Variants in GABRG3 observed in about 807,000 individuals in gnomAD.
GABRG3 encodes gamma-aminobutyric acid type A receptor subunit gamma3.
GABRG3 carries 25 observed loss-of-function variants against 48.8 expected under a neutral mutation model. The observed-to-expected ratio is 0.51, with a 90% CI of 0.37 to 0.72. The LOEUF (loss-of-function observed/expected upper bound fraction) is 0.72. GABRG3 is among the 30% of genes least tolerant of loss of function. GABRG3 has a pLI of 0.00. For synonymous variants in GABRG3, 227 were observed against 217.6 expected, an observed-to-expected ratio of 1.04 and a Z score of -0.38; for missense variants, 394 against 577.9, an observed-to-expected ratio of 0.68 and a Z score of 3.26.
In GABRG3 at chr15:27,307,400, T is replaced by C. The variant is rs1339414441; in HGVS notation, c.271-19409T>C. On this transcript the variant is annotated intron_variant, in intron 3 of 9. Transcript: ENST00000615808. ...ATATATTTATATATAACCATATAGG[T>C]TTATATATTTATATATAAACATATA... Among the ~76,000 whole-genome samples the C allele has an allele frequency of 9.3e-5, 10 of 107,856 alleles. 4 individuals carry two copies. The highest frequency in any genetic ancestry group is 3.1e-4 in the African/African-American group (10 of 31,810). 70.8% of individuals were successfully genotyped at this position (107,856 alleles called of 152,430 possible). A position where few individuals can be genotyped will look rare whatever the true frequency, so the allele number is the denominator to read the frequency against.
At chr15:27,482,551 C>G (rs1200979160) in intron 6 of GABRG3, among the ~76,000 whole-genome samples, 1 of 152,126 alleles carries the variant, frequency 6.6e-6, no homozygotes, top group African/African-American at 2.4e-5. Context: ...AGATAAATGC[C>G]CTTTTATAGG....
chr15:27,019,891 A>C (rs1310800088), intron 2 of GABRG3, among the ~76,000 whole-genome samples: 1 of 152,194 alleles, frequency 6.6e-6, no homozygotes, highest in Non-Finnish European at 1.5e-5. Flanking sequence ...TACTCTTTTC[A>C]TGAAAACATA....
Position 27,254,249 on chromosome 15 carries a change from C to T in GABRG3, c.271-72560C>T, listed in dbSNP as rs558836853. ...GGGATGCAGGCTGGGGAGGAAAGAA[C>T]CAGGCTGCGAGGTTTCCAGAGGGAG... On this transcript the variant is annotated intron_variant, in intron 3 of 9. Coordinates refer to ENST00000615808, the MANE Select transcript of GABRG3 (RefSeq NM_033223.5). 3.3e-5 allele frequency among the ~76,000 whole-genome samples: 5 copies of T among 152,180 alleles called. No individual in the cohort carries two copies. In the South Asian group the frequency reaches 1.0e-3, roughly 32 times the overall value.
At chr15:27,488,169 A>G (rs1052129578) in intron 6 of GABRG3, among the ~76,000 whole-genome samples, 4 of 152,172 alleles carry the variant, frequency 2.6e-5, no homozygotes, top group African/African-American at 7.2e-5. Flanking sequence ...GCCCACCTGG[A>G]TAACTTAGTA....
intron 3 of GABRG3, among the ~76,000 whole-genome samples, chr15:27,285,881 G>GTC (rs762456349): frequency 1.1e-4 from 17 of 152,014 alleles, no homozygotes; most frequent in Non-Finnish European, 2.4e-4. Context: ...CAGTTCCTTC[G>GTC]TCTCTGTTGC....
intron 5 of GABRG3, among the ~76,000 whole-genome samples, chr15:27,473,466 T>C (rs1889846593): frequency 6.6e-6 from 1 of 152,232 alleles, no homozygotes; most frequent in South Asian, 2.1e-4. Flanking sequence ...TAGAAATGAT[T>C]ACCTTTCTGA....
intron 3 of GABRG3, among the ~76,000 whole-genome samples, chr15:27,038,486 C>T (rs1008336042): frequency 1.4e-4 from 21 of 152,258 alleles, no homozygotes; most frequent in African/African-American, 5.1e-4. Context: ...TAGGTGTGCC[C>T]ACCACCTGTG....
At chr15:27,470,697 G>A (rs1211431988) in intron 5 of GABRG3, among the ~76,000 whole-genome samples, 1 of 151,614 alleles carries the variant, frequency 6.6e-6, no homozygotes, top group Non-Finnish European at 1.5e-5. Flanking sequence ...TATTAACTCT[G>A]TTTTCCCCAA....
At chr15:27,222,899 A>G (rs1889497471) in intron 3 of GABRG3, among the ~76,000 whole-genome samples, 1 of 152,194 alleles carries the variant, frequency 6.6e-6, no homozygotes. Flanking sequence ...GTCTCACTTC[A>G]GAATCCTGGC....
Position 27,043,977 on chromosome 15 carries a change from C to T in GABRG3, c.270+17156C>T, listed in dbSNP as rs971837732. Among the ~76,000 whole-genome samples the T allele has an allele frequency of 2.6e-5, 4 of 152,196 alleles. No individual in the cohort carries two copies. The East Asian group carries it at 7.7e-4, about 29-fold the overall frequency. ...GCTGAGAGTCTCAACTCCTCCCTGG[C>T]CTTTGCCTGGCCTGGCTCAGTTCCT... On this transcript the variant is annotated intron_variant, in intron 3 of 9. Transcript: ENST00000615808.
At position 27,203,439 on chromosome 15, in the gene GABRG3, C is replaced by G. The variant is rs180693271; in HGVS notation, c.271-123370C>G. Among the ~76,000 whole-genome samples, 13 of 152,194 alleles carry G rather than the reference C, an allele frequency of 8.5e-5. No homozygotes were observed. In the East Asian group the frequency reaches 2.3e-3, roughly 27 times the overall value. On this transcript the variant is annotated intron_variant, in intron 3 of 9. Coordinates refer to ENST00000615808, the MANE Select transcript of GABRG3 (RefSeq NM_033223.5). ...ATGTACCACTTTTTCTTTATCCAGT[C>G]CACTGTTAAGCATCTAGGTTGATTC... is the stretch of plus-strand genomic sequence containing the variant.
At chr15:27,498,565 G>A (rs140304841) in intron 6 of GABRG3, among the ~76,000 whole-genome samples, 220 of 151,788 alleles carry the variant, frequency 1.4e-3, no homozygotes, top group African/African-American at 5.0e-3. Flanking sequence ...GCGTGATGTC[G>A]GCTCACTGCA....
chr15:27,398,689 C>T (rs1887391787), intron 5 of GABRG3, among the ~76,000 whole-genome samples: 1 of 151,858 alleles, frequency 6.6e-6, no homozygotes, highest in South Asian at 2.1e-4. Flanking sequence ...CACACACACA[C>T]CCCTCTATTA....
intron 3 of GABRG3, among the ~76,000 whole-genome samples, chr15:27,065,470 C>T (rs893180388): frequency 4.6e-5 from 7 of 152,074 alleles, no homozygotes; most frequent in Non-Finnish European, 1.0e-4. Flanking sequence ...CACAGCAGCC[C>T]AATTTCTCTC....
intron 3 of GABRG3, among the ~76,000 whole-genome samples, chr15:27,267,377 G>A (rs770571027): frequency 6.1e-4 from 93 of 151,762 alleles, no homozygotes; most frequent in Non-Finnish European, 1.3e-3. Flanking sequence ...AAAGTGTTGG[G>A]ATTACAGGCA....
rs561815384 is a variant in GABRG3 at position 27,225,402 on chromosome 15, A to G, written c.271-101407A>G. 2.6e-5 allele frequency among the ~76,000 whole-genome samples: 4 copies of G among 152,124 alleles called. No homozygotes were observed. In the South Asian group the frequency reaches 8.3e-4, roughly 32 times the overall value. On this transcript the variant is annotated intron_variant, in intron 3 of 9. Coordinates refer to ENST00000615808, the MANE Select transcript of GABRG3 (RefSeq NM_033223.5). Reference sequence around the variant, plus strand: ...GAGCCGGTGCTTAGGGTGGACTGCCAATTGTTTAGTCTGAAGATTTTACTT... The same window carrying G: ...GAGCCGGTGCTTAGGGTGGACTGCCGATTGTTTAGTCTGAAGATTTTACTT...
At chr15:27,288,529 G>A (rs934833512) in intron 3 of GABRG3, among the ~76,000 whole-genome samples, 1 of 151,926 alleles carries the variant, frequency 6.6e-6, no homozygotes, top group Non-Finnish European at 1.5e-5. Context: ...GCTCCTCTAA[G>A]AATCTAATGC....
chr15:27,435,259 A>G (rs958387669), intron 5 of GABRG3, among the ~76,000 whole-genome samples: 36 of 151,186 alleles, frequency 2.4e-4, no homozygotes, highest in Admixed American at 2.6e-4. Flanking sequence ...CTTTTATACT[A>G]TTTTATTTTT....
At chr15:27,120,132 A>G (rs1401031709) in intron 3 of GABRG3, among the ~76,000 whole-genome samples, 3 of 152,232 alleles carry the variant, frequency 2.0e-5, no homozygotes, top group African/African-American at 7.2e-5. Context: ...AGGAAATTTC[A>G]TATTAAAACT....
Sources: allele counts gnomAD v4.1 joint callset (sites outside exome capture counted in the v4.1 genomes callset), GRCh38; gene constraint gnomAD v4.1.1; transcripts MANE v1.5; gene names NCBI Gene and HGNC (gene_info 2026-07-23, HGNC 2026-07-21).